The following GPATCH2 variants were observed in gnomAD, a reference collection of about 807,000 sequenced individuals.
GPATCH2 encodes G patch domain-containing protein 2.
A neutral mutation model predicts 58.0 loss-of-function variants in GPATCH2; 51 were observed. That is an observed-to-expected ratio of 0.88 (90% CI 0.70 to 1.11). The LOEUF is 1.11. Ranked by LOEUF, GPATCH2 falls within the 50% of genes most tolerant of loss-of-function variation. The pLI, the probability that GPATCH2 is intolerant of heterozygous loss-of-function variation, is 0.00. For missense variants in GPATCH2, 625 were observed against 652.2 expected, an observed-to-expected ratio of 0.96 and a Z score of 0.45; for synonymous variants, 222 against 218.5, an observed-to-expected ratio of 1.02 and a Z score of -0.14.
intron 5 of GPATCH2, among the ~76,000 whole-genome samples, chr1:217,557,762 T>C (rs1665717308): frequency 6.6e-6 from 1 of 152,218 alleles, no homozygotes; most frequent in African/African-American, 2.4e-5. Context: ...GGACTCCTTG[T>C]TCTGTTCCAC....
At chr1:217,449,945 T>G (rs1659582305) in intron 8 of GPATCH2, among the ~76,000 whole-genome samples, 1 of 152,196 alleles carries the variant, frequency 6.6e-6, no homozygotes, top group Admixed American at 6.5e-5. Flanking sequence ...TGGATTATAT[T>G]TGTAAAAACA....
chr1:217,535,340 G>A (rs181110808), intron 5 of GPATCH2, among the ~76,000 whole-genome samples: 284 of 152,274 alleles, frequency 1.9e-3, no homozygotes, highest in African/African-American at 6.0e-3. Flanking sequence ...AGTCTAAAAA[G>A]GAAGTTTTTA....
chr1:217,459,862 T>C (rs1558407576), intron 8 of GPATCH2, among the ~76,000 whole-genome samples: 1 of 152,140 alleles, frequency 6.6e-6, no homozygotes, highest in African/African-American at 2.4e-5. Flanking sequence ...CCTTTTACTG[T>C]ATTCTTCTGT....
intron 5 of GPATCH2, 71 bp from the exon 6 acceptor site, chr1:217,514,960 A>G: frequency 1.3e-6 from 1 of 742,804 alleles, no homozygotes; most frequent in Non-Finnish European, 2.4e-6. Context: ...TAATAGTGAT[A>G]TATCAATTTG....
chr1:217,454,952 T>C (rs1333279318), intron 8 of GPATCH2, among the ~76,000 whole-genome samples: 1 of 152,108 alleles, frequency 6.6e-6, no homozygotes, highest in Admixed American at 6.6e-5. Context: ...AATGGTGGTG[T>C]TTTCTTTCAA....
At chr1:217,503,177 A>T (rs144595815) in intron 6 of GPATCH2, among the ~76,000 whole-genome samples, 107 of 152,248 alleles carry the variant, frequency 7.0e-4, no homozygotes, top group African/African-American at 2.5e-3. Flanking sequence ...ACGTTTTAAG[A>T]AGGGAGTGGT....
rs1668589255 is a variant in GPATCH2 at position 217,610,921 on chromosome 1, G to T, written c.986C>A (p.Ser329Tyr). The T allele has an allele frequency of 3.1e-6, 5 of 1,613,320 alleles. No individual in the cohort carries two copies. The South Asian group carries it at 4.4e-5, about 14-fold the overall frequency. The change falls in exon 4 of 10, where the codon TCT becomes TAT. Residue 329 changes from serine to tyrosine, a missense_variant. By Grantham distance (144) the Ser-to-Tyr change is moderately radical. Coordinates refer to ENST00000366935, the MANE Select transcript of GPATCH2 (RefSeq NM_018040.5). The part of the protein sequence containing the change: ...DPVFESILTG[S>Y]FPLMSHPSRR... ...GCTTGGGTGTGACATAAGGGGAAAA[G>T]AACCAGTTAAGATACTTTCAAAGAC...
intron 5 of GPATCH2, among the ~76,000 whole-genome samples, chr1:217,585,368 A>C (rs1468543639): frequency 2.6e-5 from 4 of 152,152 alleles, no homozygotes; most frequent in African/African-American, 7.2e-5. Flanking sequence ...CACGCCTATA[A>C]TCCCAGCGCT....
At chr1:217,517,801 A>G (rs1663242099) in intron 5 of GPATCH2, among the ~76,000 whole-genome samples, 1 of 152,130 alleles carries the variant, frequency 6.6e-6, no homozygotes, top group South Asian at 2.1e-4. Context: ...AAGTTGTTTC[A>G]CTTTAAATAT....
intron 5 of GPATCH2, among the ~76,000 whole-genome samples, chr1:217,545,351 G>T (rs1338879971): frequency 6.6e-6 from 1 of 152,138 alleles, no homozygotes; most frequent in Admixed American, 6.5e-5. Flanking sequence ...TCAGACTCTG[G>T]GAAGATGACT....
intron 5 of GPATCH2, among the ~76,000 whole-genome samples, chr1:217,523,921 CCGGACGGGGCAG>C (rs1264059825): frequency 2.3e-4 from 26 of 110,826 alleles, no homozygotes; most frequent in African/African-American, 6.7e-4. Flanking sequence ...CACCTCCCTC[CCGGACGGGGCAG>C]TTGGCCGGGC....
At chr1:217,618,221 CTTTTTTTTTTT>C (rs34863823) in intron 2 of GPATCH2, among the ~76,000 whole-genome samples, 1 of 124,766 alleles carries the variant, frequency 8.0e-6, no homozygotes, top group Non-Finnish European at 1.7e-5. Context: ...CCTCTGGAAA[CTTTTTTTTTTT>C]TTTTTTTTTG....
chr1:217,608,404 T>C (rs1406154351), intron 5 of GPATCH2: 11 of 984,580 alleles, frequency 1.1e-5, no homozygotes, highest in Non-Finnish European at 1.2e-5. Flanking sequence ...CTCCATCAAG[T>C]GAAACTTCAT....
At chr1:217,565,865 G>T (rs1666202358) in intron 5 of GPATCH2, among the ~76,000 whole-genome samples, 1 of 152,098 alleles carries the variant, frequency 6.6e-6, no homozygotes, top group Admixed American at 6.5e-5. Context: ...AGTTTGGGAG[G>T]CCCAGGCGGG....
intron 5 of GPATCH2, among the ~76,000 whole-genome samples, chr1:217,535,028 T>C (rs754507735): frequency 1.3e-5 from 2 of 152,194 alleles, no homozygotes; most frequent in Non-Finnish European, 2.9e-5. Context: ...CATGAGTTAA[T>C]ACACATAAAG....
intron 5 of GPATCH2, among the ~76,000 whole-genome samples, chr1:217,524,181 G>T (rs1320352352): frequency 7.2e-6 from 1 of 138,776 alleles, no homozygotes; most frequent in Admixed American, 7.1e-5. Context: ...CTTCTCAGAC[G>T]GGGCGGCTGC....
At chr1:217,480,667 T>C (rs926366624) in intron 8 of GPATCH2, among the ~76,000 whole-genome samples, 3 of 152,178 alleles carry the variant, frequency 2.0e-5, no homozygotes, top group Middle Eastern at 3.2e-3. Context: ...TGGAAATCAG[T>C]GTATCAAAGA....
Position 217,630,858 on chromosome 1 carries a change from G to C in GPATCH2, c.56+58C>G, listed in dbSNP as rs1489083847. 4.7e-6 allele frequency: 6 copies of C among 1,272,598 alleles called. No homozygotes were observed. The East Asian group carries it at 1.2e-4, about 26-fold the overall frequency. 78.8% of individuals were successfully genotyped at this position (1,272,598 alleles called of 1,614,324 possible). ...GCCTCCATTCCAGGTCCAGCGGAGC[G>C]GCCTCGGGCAATCACACCCTTCCCT... On this transcript the variant is annotated intron_variant, in intron 1 of 9. Transcript: ENST00000366935.
rs180885836 is a variant in GPATCH2 at position 217,608,538 on chromosome 1, T to C, written c.1098+1783A>G. On this transcript the variant is annotated intron_variant, in intron 5 of 9. Transcript: ENST00000366935. The stretch of plus-strand genomic sequence containing the variant: ...ATAAAATACCACAGTGAGATTGCAA[T>C]AAGCCTAGAAAATGGGCTACAAATC... The C allele has an allele frequency of 6.4e-5, 63 of 984,788 alleles. No individual in the cohort carries two copies. The African/African-American group carries it at 1.1e-3, about 17-fold the overall frequency. 61.0% of individuals were successfully genotyped at this position (984,788 alleles called of 1,614,324 possible).
Sources: gnomAD v4.1 joint callset for allele counts (sites outside exome capture counted in the v4.1 genomes callset) on GRCh38, gnomAD v4.1.1 for gene constraint, MANE v1.5 for transcripts, NCBI Gene and HGNC (gene_info 2026-07-23, HGNC 2026-07-21) for gene names.